Variants in VWC2L observed in about 807,000 individuals in gnomAD.
VWC2L encodes the protein von Willebrand factor C domain containing 2 like, also known as von Willebrand factor C domain-containing protein 2-like.
VWC2L carries 10 observed loss-of-function variants against 21.6 expected under a neutral mutation model. That is an observed-to-expected ratio of 0.46 (90% CI 0.29 to 0.78). The LOEUF is 0.78. Among genes scored for constraint, VWC2L ranks in the 30% least tolerant of loss-of-function variants. The pLI is 0.10. For synonymous variants in VWC2L, 96 were observed against 94.3 expected (o/e 1.02, Z -0.10); for missense variants, 209 against 277.1 (o/e 0.75, Z 1.74).
intron 2 of VWC2L, among the ~76,000 whole-genome samples, chr2:214,422,428 G>C (rs1702456623): frequency 6.6e-6 from 1 of 151,898 alleles, no homozygotes; most frequent in Admixed American, 6.6e-5. Context: ...TTTTCACTTT[G>C]TTTTGTTATC....
intron 3 of VWC2L, among the ~76,000 whole-genome samples, chr2:214,509,792 A>G (rs1200226703): frequency 2.0e-5 from 3 of 152,306 alleles, no homozygotes; most frequent in African/African-American, 7.2e-5. Context: ...ATAGCTGTTG[A>G]CATTTTCTGC....
intron 3 of VWC2L, among the ~76,000 whole-genome samples, chr2:214,440,298 A>G (rs541956927): frequency 1.7e-4 from 26 of 152,130 alleles, no homozygotes; most frequent in Non-Finnish European, 2.8e-4. Context: ...ATAGGAATTT[A>G]TTGTTTCTAA....
chr2:214,461,755 T>A (rs1300574369), intron 3 of VWC2L, among the ~76,000 whole-genome samples: 1 of 152,076 alleles, frequency 6.6e-6, no homozygotes, highest in Non-Finnish European at 1.5e-5. Flanking sequence ...ATCCCCAGGT[T>A]CCCTAACAGC....
intron 3 of VWC2L, among the ~76,000 whole-genome samples, chr2:214,484,038 GTTCCTTGGCTTGCAGA>G (rs1688642821): frequency 6.6e-6 from 1 of 152,154 alleles, no homozygotes; most frequent in Non-Finnish European, 1.5e-5. Context: ...AATCTTTGGT[GTTCCTTGGCTTGCAGA>G]TTCCTTGGCT....
intron 3 of VWC2L, among the ~76,000 whole-genome samples, chr2:214,475,022 G>T (rs1688490169): frequency 6.6e-6 from 1 of 152,102 alleles, no homozygotes; most frequent in South Asian, 2.1e-4. Flanking sequence ...GTTATCTCTG[G>T]CACATAGTGG....
intron 3 of VWC2L, among the ~76,000 whole-genome samples, chr2:214,501,325 C>T (rs1460920745): frequency 2.6e-5 from 4 of 152,150 alleles, no homozygotes; most frequent in Non-Finnish European, 4.4e-5. Context: ...AGTGTTCTCT[C>T]CAGCTCTGGT....
At chr2:214,425,797 G>GA (rs1702515438) in intron 2 of VWC2L, among the ~76,000 whole-genome samples, 1 of 152,132 alleles carries the variant, frequency 6.6e-6, no homozygotes, top group African/African-American at 2.4e-5. Flanking sequence ...CCCTCAAGGT[G>GA]CGCCTAGTCT....
intron 3 of VWC2L, among the ~76,000 whole-genome samples, chr2:214,567,338 A>ATCAGATCT (rs560234544): frequency 3.0e-4 from 45 of 152,210 alleles, no homozygotes; most frequent in Middle Eastern, 6.8e-3. Context: ...GTACTGAAAG[A>ATCAGATCT]TCAGATCTCT....
chr2:214,559,028 C>T (rs889169443), intron 3 of VWC2L, among the ~76,000 whole-genome samples: 1 of 141,960 alleles, frequency 7.0e-6, no homozygotes, highest in African/African-American at 2.9e-5. Flanking sequence ...CCCCTCCCCC[C>T]ACCCCATCAG....
intron 3 of VWC2L, among the ~76,000 whole-genome samples, chr2:214,507,339 AAAC>A (rs1688981101): frequency 6.6e-6 from 1 of 152,232 alleles, no homozygotes; most frequent in Non-Finnish European, 1.5e-5. Context: ...ATATTTTATT[AAAC>A]AATTCAGAAA....
chr2:214,457,263 G>T (rs576352769), intron 3 of VWC2L, among the ~76,000 whole-genome samples: 11 of 152,080 alleles, frequency 7.2e-5, no homozygotes, highest in Non-Finnish European at 1.6e-4. Context: ...ATTAGGTATT[G>T]TAAAGTCTTG....
At chr2:214,574,331 T>A (rs748481008) in intron 3 of VWC2L, among the ~76,000 whole-genome samples, 1 of 152,196 alleles carries the variant, frequency 6.6e-6, no homozygotes, top group Non-Finnish European at 1.5e-5. Flanking sequence ...CACTGGTAAG[T>A]GTATGCACTA....
intron 3 of VWC2L, among the ~76,000 whole-genome samples, chr2:214,511,871 CTTTA>C (rs1328998887): frequency 4.1e-4 from 25 of 61,302 alleles, no homozygotes; most frequent in Non-Finnish European, 1.7e-4. Flanking sequence ...TATATATATA[CTTTA>C]TATATATACT....
chr2:214,514,310 G>T (rs555630733), intron 3 of VWC2L, among the ~76,000 whole-genome samples: 95 of 152,038 alleles, frequency 6.2e-4, no homozygotes, highest in African/African-American at 2.2e-3. Context: ...CAGAAAAGCA[G>T]CAATTTCTGA....
intron 3 of VWC2L, among the ~76,000 whole-genome samples, chr2:214,488,739 C>CATCT (rs1688707258): frequency 6.6e-6 from 1 of 152,172 alleles, no homozygotes; most frequent in Non-Finnish European, 1.5e-5. Context: ...GAGGACTGGG[C>CATCT]ATCTGGTGAC....
At chr2:214,565,989 T>C (rs936809013) in intron 3 of VWC2L, among the ~76,000 whole-genome samples, 2 of 152,164 alleles carry the variant, frequency 1.3e-5, no homozygotes, top group Non-Finnish European at 1.5e-5. Flanking sequence ...TGAACCACAG[T>C]GTTCTCAGCT....
At position 214,550,969 on chromosome 2, in the gene VWC2L, T is replaced by A. The variant is rs190159817; in HGVS notation, c.521-24703T>A. On this transcript the variant is annotated intron_variant, in intron 3 of 3. Transcript: ENST00000312504. ...TCAGCACTCCATCTTTCTGGGCCTC[T>A]AGTTCCATTTATGAACCCTATGACT... Among the ~76,000 whole-genome samples, 23 of 152,320 alleles carry A rather than the reference T, an allele frequency of 1.5e-4. No homozygotes were observed. The South Asian group carries it at 2.3e-3, about 15-fold the overall frequency.
At chr2:214,567,205 G>A (rs973574939) in intron 3 of VWC2L, among the ~76,000 whole-genome samples, 8 of 152,108 alleles carry the variant, frequency 5.3e-5, no homozygotes, top group African/African-American at 1.7e-4. Context: ...TTCCAAGGAG[G>A]ATTTAAAATC....
Position 214,557,705 on chromosome 2 carries a change from A to G in VWC2L, c.521-17967A>G, listed in dbSNP as rs565009255. Among the ~76,000 whole-genome samples the G allele has an allele frequency of 7.9e-5, 12 of 152,262 alleles. No homozygotes were observed. The East Asian group carries it at 1.9e-3, about 25-fold the overall frequency. On this transcript the variant is annotated intron_variant, in intron 3 of 3. Coordinates refer to ENST00000312504, the MANE Select transcript of VWC2L (RefSeq NM_001080500.4). ...TTAGGGCCCCTCCTACTGCTCAGAG[A>G]AAATAGAAATTATCAGACAGAAATT... is the stretch of plus-strand genomic sequence containing the variant.
Sources: allele counts gnomAD v4.1 joint callset (sites outside exome capture counted in the v4.1 genomes callset), GRCh38; gene constraint gnomAD v4.1.1; transcripts MANE v1.5; gene names NCBI Gene and HGNC (gene_info 2026-07-23, HGNC 2026-07-21).